The following CNTN4 variants were observed in gnomAD, a reference collection of about 807,000 sequenced individuals.
CNTN4 encodes contactin-4.
In CNTN4, 77 loss-of-function variants were observed where a neutral mutation model predicts 122.5. The observed-to-expected ratio is 0.63, with a 90% CI of 0.52 to 0.76. CNTN4 has a LOEUF of 0.76. Among genes scored for constraint, CNTN4 ranks in the 30% least tolerant of loss-of-function variants. The pLI, the probability that CNTN4 is intolerant of heterozygous loss-of-function variation, is 0.00. For missense variants in CNTN4, 1,256 were observed against 1,259.1 expected (o/e 1.00, Z 0.04); for synonymous variants, 512 against 447.0 (o/e 1.15, Z -1.83).
intron 3 of CNTN4, among the ~76,000 whole-genome samples, chr3:2,553,224 T>G (rs2078586213): frequency 6.6e-6 from 1 of 152,138 alleles, no homozygotes; most frequent in African/African-American, 2.4e-5. Context: ...CTCACATTAT[T>G]TCAGAGACAC....
intron 6 of CNTN4, among the ~76,000 whole-genome samples, chr3:2,808,775 G>A (rs1183605519): frequency 6.7e-6 from 1 of 149,246 alleles, no homozygotes; most frequent in South Asian, 2.2e-4. Flanking sequence ...TTAAGGATGG[G>A]GATGCGGGAA....
chr3:2,439,818 C>T (rs1460249804), intron 3 of CNTN4, among the ~76,000 whole-genome samples: 7 of 152,144 alleles, frequency 4.6e-5, no homozygotes, highest in Non-Finnish European at 7.3e-5. Flanking sequence ...CCTCCATTTC[C>T]AGTGCCCGAG....
intron 3 of CNTN4, among the ~76,000 whole-genome samples, chr3:2,441,711 G>A (rs1043424538): frequency 2.0e-5 from 3 of 152,142 alleles, no homozygotes; most frequent in Non-Finnish European, 2.9e-5. Context: ...TAGGAAGGGC[G>A]TTAGAAAGGC....
At chr3:2,574,087 A>G (rs1277232153) in intron 4 of CNTN4, among the ~76,000 whole-genome samples, 5 of 152,114 alleles carry the variant, frequency 3.3e-5, no homozygotes, top group Non-Finnish European at 1.5e-5. Context: ...ATGGTGGTGT[A>G]TGCCTGTAAT....
intron 3 of CNTN4, among the ~76,000 whole-genome samples, chr3:2,542,583 C>T (rs2078076965): frequency 1.3e-5 from 2 of 152,208 alleles, no homozygotes; most frequent in East Asian, 1.9e-4. Context: ...AATGTCAGAT[C>T]GAGAGCTCTG....
At chr3:2,792,249 C>G (rs2092036044) in intron 6 of CNTN4, among the ~76,000 whole-genome samples, 1 of 152,072 alleles carries the variant, frequency 6.6e-6, no homozygotes, top group Non-Finnish European at 1.5e-5. Flanking sequence ...GACAAGGATT[C>G]TAATTTGGAT....
intron 12 of CNTN4, among the ~76,000 whole-genome samples, chr3:2,905,199 A>G (rs1298117831): frequency 6.6e-6 from 1 of 152,206 alleles, no homozygotes; most frequent in African/African-American, 2.4e-5. Flanking sequence ...TTACAAATGA[A>G]TTTTTGATCT....
chr3:2,973,751 T>A (rs1402849128), intron 13 of CNTN4, among the ~76,000 whole-genome samples: 1 of 151,978 alleles, frequency 6.6e-6, no homozygotes, highest in East Asian at 1.9e-4. Context: ...TGGAAATCAT[T>A]TGAGTAAATG....
chr3:2,827,514 A>T (rs2150342086), intron 7 of CNTN4, among the ~76,000 whole-genome samples: 1 of 152,326 alleles, frequency 6.6e-6, no homozygotes, highest in Non-Finnish European at 1.5e-5. Context: ...CTTGATTTAC[A>T]TTCATGTAAC....
chr3:2,491,019 G>A (rs2076300918), intron 3 of CNTN4, among the ~76,000 whole-genome samples: 1 of 152,110 alleles, frequency 6.6e-6, no homozygotes, highest in Admixed American at 6.6e-5. Context: ...GAATAGGGGG[G>A]AAAAATCAGT....
At chr3:2,749,246 C>T (rs1355593311) in intron 6 of CNTN4, among the ~76,000 whole-genome samples, 1 of 152,102 alleles carries the variant, frequency 6.6e-6, no homozygotes, top group African/African-American at 2.4e-5. Flanking sequence ...TCACTGCAAC[C>T]TCCACCTCCT....
At chr3:2,504,789 C>T (rs973542275) in intron 3 of CNTN4, among the ~76,000 whole-genome samples, 5 of 151,940 alleles carry the variant, frequency 3.3e-5, no homozygotes, top group African/African-American at 1.2e-4. Flanking sequence ...GAATTAATCA[C>T]AAAAAAGCAA....
At chr3:2,464,094 T>C (rs2075413708) in intron 3 of CNTN4, among the ~76,000 whole-genome samples, 1 of 152,146 alleles carries the variant, frequency 6.6e-6, no homozygotes. Flanking sequence ...CTACATGAAG[T>C]TTACTATTGT....
chr3:2,527,522 G>A (rs1234529441), intron 3 of CNTN4, among the ~76,000 whole-genome samples: 1 of 152,154 alleles, frequency 6.6e-6, no homozygotes, highest in Admixed American at 6.5e-5. Flanking sequence ...CATCTGAAAC[G>A]AGAAGTGTGT....
chr3:2,949,449 T>C (rs2094714364), intron 13 of CNTN4, among the ~76,000 whole-genome samples: 1 of 152,200 alleles, frequency 6.6e-6, no homozygotes, highest in South Asian at 2.1e-4. Flanking sequence ...GGAAGGGCCT[T>C]TTCCCATTAT....
intron 13 of CNTN4, among the ~76,000 whole-genome samples, chr3:2,953,173 G>A (rs560433210): frequency 2.5e-4 from 38 of 152,212 alleles, no homozygotes; most frequent in Admixed American, 1.8e-3. Flanking sequence ...TCAATGTCTT[G>A]CCCTTGTCTC....
At chr3:2,167,229 A>G (rs1283863136) in intron 2 of CNTN4, among the ~76,000 whole-genome samples, 1 of 152,180 alleles carries the variant, frequency 6.6e-6, no homozygotes, top group Non-Finnish European at 1.5e-5. Flanking sequence ...GTTTTTCACT[A>G]TTATATCTGC....
At chr3:2,859,542 T>TG (rs2093651657) in intron 7 of CNTN4, among the ~76,000 whole-genome samples, 1 of 151,856 alleles carries the variant, frequency 6.6e-6, no homozygotes, top group African/African-American at 2.4e-5. Flanking sequence ...TTCCTGGTTT[T>TG]TTTTTTTTTT....
At chr3:2,883,022 A>G in intron 8 of CNTN4, 123 bp from the exon 9 acceptor site, 2 of 713,768 alleles carry the variant, frequency 2.8e-6, no homozygotes, top group Non-Finnish European at 2.5e-6. Context: ...CCTGCTTTAA[A>G]TGAAGGAATT....
Sources: allele counts gnomAD v4.1 joint callset (sites outside exome capture counted in the v4.1 genomes callset), GRCh38; gene constraint gnomAD v4.1.1; transcripts MANE v1.5; gene names NCBI Gene and HGNC (gene_info 2026-07-23, HGNC 2026-07-21).